Variants in NCOR1 observed in about 807,000 individuals in gnomAD.
The protein encoded by NCOR1 is nuclear receptor corepressor 1.
Under a neutral mutation model 288.1 loss-of-function variants are expected in NCOR1, and 63 were observed. That is an observed-to-expected ratio of 0.22 (90% confidence interval 0.18 to 0.27). The LOEUF (loss-of-function observed/expected upper bound fraction) is 0.27, where lower values mean the gene tolerates loss of function less well. Ranked by LOEUF, NCOR1 falls within the 10% of genes least tolerant of loss-of-function variation. The probability of loss-of-function intolerance (pLI) is 1.00; values close to 1 mark genes in which losing one functional copy is unlikely to be tolerated. For missense variants in NCOR1, 2,397 were observed against 3,019.2 expected (o/e 0.79, Z 4.83); for synonymous variants, 1,007 against 1,065.9 (o/e 0.94, Z 1.08).
intron 10 of NCOR1, among the ~76,000 whole-genome samples, chr17:16,146,023 T>C (rs1370131333): frequency 6.6e-6 from 1 of 152,164 alleles, no homozygotes; most frequent in Non-Finnish European, 1.5e-5. Context: ...CTGAAACATG[T>C]GCTGGGTCCA....
chr17:16,161,230 GACAC>G (rs67635232), intron 5 of NCOR1, among the ~76,000 whole-genome samples: 3,079 of 143,184 alleles, frequency 0.022, 37 homozygotes, highest in Middle Eastern at 0.04. Flanking sequence ...AACACACACA[GACAC>G]ACACACACAC....
intron 14 of NCOR1, among the ~76,000 whole-genome samples, 192 bp downstream of exon 14, chr17:16,137,119 A>C (rs963619334): frequency 6.6e-6 from 1 of 152,204 alleles, no homozygotes; most frequent in Non-Finnish European, 1.5e-5. Flanking sequence ...AACTTAAAAT[A>C]TATTTGAAAT....
At chr17:16,089,943 C>T (rs1047941601) in intron 22 of NCOR1, among the ~76,000 whole-genome samples, 3 of 152,056 alleles carry the variant, frequency 2.0e-5, no homozygotes, top group African/African-American at 4.8e-5. Context: ...GCATCACCTT[C>T]GACCAAACTG....
At chr17:16,080,579 T>C (rs2063243299) in intron 24 of NCOR1, 28 bp downstream of exon 24, 1 of 1,613,990 alleles carries the variant, frequency 6.2e-7, no homozygotes. Flanking sequence ...CAAACGTAGA[T>C]GCATTATGAC....
intron 7 of NCOR1, among the ~76,000 whole-genome samples, chr17:16,152,345 G>C (rs178662): frequency 4.0e-5 from 6 of 148,778 alleles, no homozygotes; most frequent in Non-Finnish European, 5.9e-5. Flanking sequence ...GATGTTCCCC[G>C]CCCTGTGTCC....
intron 42 of NCOR1, chr17:16,044,714 G>A (rs544341098): frequency 1.8e-5 from 13 of 719,068 alleles, no homozygotes; most frequent in Middle Eastern, 7.8e-4. Context: ...CAATGCCCTC[G>A]TTAAAGCAGC....
chr17:16,039,827 C>T lies in NCOR1; in HGVS notation c.6734-173G>A, dbSNP rs538079473. 79 of 613,380 alleles carry T rather than the reference C, an allele frequency of 1.3e-4. 1 individual carries two copies. Among genetic ancestry groups the T allele is most frequent in the Middle Eastern group, 4.4e-4 (1 of 2,262 alleles). The allele number at this position is 613,380 out of a possible 1,614,324, so 38.0% of individuals were successfully genotyped here. On this transcript the variant is annotated intron_variant, in intron 43 of 45. Transcript: ENST00000268712. ...TTTTGGAGACAGAGTCTCTCTCTGT[C>T]GCACCCAGGCTGGAGTGCAGTGGCG... is the stretch of plus-strand genomic sequence containing the variant.
intron 3 of NCOR1, among the ~76,000 whole-genome samples, chr17:16,181,205 ATATG>A (rs138045717): frequency 8.1e-5 from 8 of 98,994 alleles, no homozygotes; most frequent in South Asian, 7.1e-4. Flanking sequence ...GTATACATAT[ATATG>A]TATGTGTGTG....
chr17:16,137,598 T>C (rs556029069), intron 13 of NCOR1, among the ~76,000 whole-genome samples, 186 bp from the exon 14 acceptor site: 3 of 152,324 alleles, frequency 2.0e-5, no homozygotes, highest in South Asian at 2.1e-4. Flanking sequence ...GGTACTATTT[T>C]AATAGACAGT....
rs764563143 is a variant in NCOR1 at position 16,186,567 on chromosome 17, G to C, written c.229C>G (p.Pro77Ala). 6.2e-7 allele frequency: 1 copy of C among 1,613,940 alleles called. No homozygotes were observed. Among genetic ancestry groups the C allele is most frequent in the Non-Finnish European group, 8.5e-7 (1 of 1,179,914 alleles). ...RRPSLLSEFH[P>A]GSDRPQERRT... is the part of the protein sequence containing the mutation. ...AAACCTCATTACCTGTCAGAACCTG[G>C]GTGAAATTCTGAAAGCAAGGAAGGT... The change falls in exon 3 of 46, where the codon CCA becomes GCA. Residue 77 changes from proline (P) to alanine (A), a missense_variant. Transcript: ENST00000268712.
intron 3 of NCOR1, among the ~76,000 whole-genome samples, chr17:16,181,003 A>G (rs1156843519): frequency 6.6e-6 from 1 of 152,164 alleles, no homozygotes; most frequent in Non-Finnish European, 1.5e-5. Flanking sequence ...TACTAAAAAT[A>G]CAAAAAGTAG....
At chr17:16,205,345 G>A (rs1478300138) in intron 1 of NCOR1, among the ~76,000 whole-genome samples, 4 of 152,250 alleles carry the variant, frequency 2.6e-5, no homozygotes, top group African/African-American at 4.8e-5. Context: ...ACACATGGCC[G>A]GGCTCAGTGA....
intron 18 of NCOR1, among the ~76,000 whole-genome samples, chr17:16,110,844 T>A (rs916791377): frequency 2.0e-5 from 3 of 152,222 alleles, no homozygotes; most frequent in African/African-American, 4.8e-5. Context: ...TTAGTTGCAA[T>A]TCTCAAGGCT....
chr17:16,102,964 T>C (rs993249651), intron 19 of NCOR1, among the ~76,000 whole-genome samples: 1 of 152,254 alleles, frequency 6.6e-6, no homozygotes, highest in South Asian at 2.1e-4. Context: ...GCTACCACAC[T>C]GGACAGAAGG....
chr17:16,137,473 A>T, intron 13 of NCOR1, 61 bp from the exon 14 acceptor site: 1 of 879,640 alleles, frequency 1.1e-6, no homozygotes, highest in Non-Finnish European at 1.7e-6. Flanking sequence ...TTTTTAATTA[A>T]ATATTACTTC....
At chr17:16,050,679 T>C (rs1013001741) in intron 40 of NCOR1, among the ~76,000 whole-genome samples, 1 of 152,218 alleles carries the variant, frequency 6.6e-6, no homozygotes, top group Non-Finnish European at 1.5e-5. Flanking sequence ...AGCCACTTTT[T>C]TTTTAAGTTG....
At chr17:16,123,202 TCCTA>T (rs139393602) in intron 15 of NCOR1, among the ~76,000 whole-genome samples, 1,681 of 152,304 alleles carry the variant, frequency 0.011, 35 homozygotes, top group African/African-American at 0.038. Flanking sequence ...TTGTTAACAT[TCCTA>T]CCATGTTCAT....
At position 16,038,919 on chromosome 17, in the gene NCOR1, C is replaced by G. The variant is rs146476336; in HGVS notation, c.6955+514G>C. 2.9e-3 allele frequency among the ~76,000 whole-genome samples: 434 copies of G among 152,188 alleles called. 20 individuals are homozygous for G. In the East Asian group the frequency reaches 0.05, roughly 18 times the overall value. On this transcript the variant is annotated intron_variant, in intron 44 of 45. Transcript: ENST00000268712. ...CTGAGTACCTGGGATTACAGGCACA[C>G]GCCATCATGCCCAGCTAATTTTTGT...
intron 26 of NCOR1, among the ~76,000 whole-genome samples, chr17:16,076,270 G>C (rs764571117): frequency 2.0e-4 from 31 of 152,292 alleles, no homozygotes; most frequent in Admixed American, 6.5e-4. Context: ...AAATTCAAGT[G>C]ATTTTCTTAT....
Sources: allele counts gnomAD v4.1 joint callset (sites outside exome capture counted in the v4.1 genomes callset), GRCh38; gene constraint gnomAD v4.1.1; transcripts MANE v1.5; gene names NCBI Gene and HGNC (gene_info 2026-07-23, HGNC 2026-07-21).